Variants in ARMH3 observed in about 807,000 individuals in gnomAD.
ARMH3 encodes the protein armadillo-like helical domain-containing protein 3.
In ARMH3, 60 loss-of-function variants were observed where a neutral mutation model predicts 99.1. The ratio of observed to expected loss-of-function variants is 0.61; its 90% confidence interval spans 0.49 to 0.75. ARMH3 has a LOEUF of 0.75. Ranked by LOEUF, ARMH3 falls within the 30% of genes least tolerant of loss-of-function variation. ARMH3 has a pLI of 0.00. For synonymous variants in ARMH3, 285 were observed against 292.8 expected, an observed-to-expected ratio of 0.97 and a Z score of 0.27; for missense variants, 679 against 843.1, an observed-to-expected ratio of 0.81 and a Z score of 2.41.
chr10:101,866,250 C>T (rs998489982), intron 24 of ARMH3, among the ~76,000 whole-genome samples: 2 of 151,402 alleles, frequency 1.3e-5, no homozygotes, highest in African/African-American at 2.4e-5. Flanking sequence ...AGCTATCTTT[C>T]GCAGTTCTCA....
At chr10:102,014,661 A>G (rs987152740) in intron 8 of ARMH3, among the ~76,000 whole-genome samples, 2 of 152,180 alleles carry the variant, frequency 1.3e-5, no homozygotes, top group African/African-American at 4.8e-5. Flanking sequence ...TTACCCAAAC[A>G]ACAATCTGGT....
At chr10:101,975,131 C>CA (rs1223979647) in intron 20 of ARMH3, 81 bp downstream of exon 20, 2 of 724,604 alleles carry the variant, frequency 2.8e-6, no homozygotes, top group East Asian at 7.1e-5. Flanking sequence ...GGTTAAAAAA[C>CA]AAAAAATCCA....
intron 22 of ARMH3, among the ~76,000 whole-genome samples, chr10:101,942,601 C>T (rs1027168804): frequency 5.9e-5 from 9 of 152,158 alleles, no homozygotes; most frequent in African/African-American, 2.2e-4. Context: ...GTGGCTCATG[C>T]CTGTAATCCC....
chr10:101,996,690 AT>A (rs1227134270), intron 15 of ARMH3, among the ~76,000 whole-genome samples: 1 of 111,018 alleles, frequency 9.0e-6, no homozygotes, highest in Non-Finnish European at 2.1e-5. Flanking sequence ...TAAAGTGTTT[AT>A]GAATACAAAA....
chr10:102,047,705 C>T (rs576737039), intron 1 of ARMH3, among the ~76,000 whole-genome samples: 1 of 152,154 alleles, frequency 6.6e-6, no homozygotes, highest in East Asian at 1.9e-4. Flanking sequence ...CCAGGCTGGT[C>T]TCAAAACTCC....
At chr10:102,016,569 C>T (rs1285059907) in intron 8 of ARMH3, among the ~76,000 whole-genome samples, 3 of 152,138 alleles carry the variant, frequency 2.0e-5, no homozygotes, top group African/African-American at 7.2e-5. Flanking sequence ...ACATAACAAA[C>T]AATGTGTTAA....
At chr10:101,975,056 A>AAT (rs1221548659) in intron 20 of ARMH3, among the ~76,000 whole-genome samples, 156 bp downstream of exon 20, 1 of 149,402 alleles carries the variant, frequency 6.7e-6, no homozygotes, top group Non-Finnish European at 1.5e-5. Context: ...ACGTAAAAAA[A>AAT]AAAAAAAAAA....
At chr10:101,907,651 C>T (rs139777535) in intron 23 of ARMH3, among the ~76,000 whole-genome samples, 2,112 of 151,996 alleles carry the variant, frequency 0.014, 34 homozygotes, top group South Asian at 0.027. Flanking sequence ...CCCAAAGTGC[C>T]GGGATTACAG....
chr10:101,849,828 T>TGGTC lies in ARMH3; in HGVS notation c.1921_1924dup (p.Gln642ArgfsTer4). On this transcript the variant is annotated frameshift_variant, in exon 25 of 26. Coordinates refer to ENST00000370033, the MANE Select transcript of ARMH3 (RefSeq NM_024541.3). LOFTEE classifies it high-confidence loss of function. ...GTGCTGCTCTGAGTAGCGCTCATAC[T>TGGTC]GGTCCAGGCCATCCTGCAGCTTCAG... is the stretch of plus-strand genomic sequence containing the variant. 6.2e-7 allele frequency: 1 copy of TGGTC among 1,614,212 alleles called. No individual in the cohort carries two copies. Among genetic ancestry groups the TGGTC allele is most frequent in the South Asian group, 1.1e-5 (1 of 91,090 alleles).
At chr10:101,914,781 G>A (rs1200292167) in intron 23 of ARMH3, among the ~76,000 whole-genome samples, 10 of 143,590 alleles carry the variant, frequency 7.0e-5, no homozygotes, top group African/African-American at 2.3e-4. Context: ...CAGGAGAATC[G>A]CTTGAACCTG....
intron 23 of ARMH3, among the ~76,000 whole-genome samples, chr10:101,933,597 T>C (rs551286100): frequency 6.6e-6 from 1 of 152,324 alleles, no homozygotes; most frequent in East Asian, 1.9e-4. Context: ...ATGCTCCCAG[T>C]CATTGGGTAA....
intron 13 of ARMH3, among the ~76,000 whole-genome samples, chr10:102,007,969 G>T (rs564926518): frequency 6.6e-6 from 1 of 151,876 alleles, no homozygotes; most frequent in Non-Finnish European, 1.5e-5. Flanking sequence ...CAAAACAGAT[G>T]ACTCTTCTGT....
chr10:101,987,892 C>T (rs924251975), intron 19 of ARMH3, among the ~76,000 whole-genome samples: 1 of 152,164 alleles, frequency 6.6e-6, no homozygotes, highest in Non-Finnish European at 1.5e-5. Context: ...AAGTTTAAGC[C>T]TTAAGGTTTT....
intron 23 of ARMH3, among the ~76,000 whole-genome samples, chr10:101,893,991 A>G (rs560854874): frequency 1.3e-5 from 2 of 152,322 alleles, no homozygotes; most frequent in African/African-American, 4.8e-5. Context: ...CTGCCCTGTG[A>G]CAATCTCATC....
chr10:102,006,492 G>A (rs746432730), intron 14 of ARMH3, 48 bp downstream of exon 14: 1 of 1,561,490 alleles, frequency 6.4e-7, no homozygotes, highest in Non-Finnish European at 8.8e-7. Context: ...CACTCTGAGA[G>A]ATCTAAGATC....
At chr10:101,939,728 C>A in intron 23 of ARMH3, 135 bp downstream of exon 23, 2 of 612,322 alleles carry the variant, frequency 3.3e-6, no homozygotes, top group South Asian at 2.8e-5. Flanking sequence ...TGATCAAGTA[C>A]GACAATTTTT....
At chr10:101,956,482 C>T in intron 22 of ARMH3, 115 bp downstream of exon 22, 2 of 1,344,440 alleles carry the variant, frequency 1.5e-6, no homozygotes, top group South Asian at 2.9e-5. Flanking sequence ...TACTATATTT[C>T]TGTGCCACAC....
At chr10:101,909,835 T>C (rs1292805911) in intron 23 of ARMH3, among the ~76,000 whole-genome samples, 2 of 152,150 alleles carry the variant, frequency 1.3e-5, no homozygotes, top group Non-Finnish European at 1.5e-5. Flanking sequence ...TATCTATATA[T>C]ACCTATTATG....
intron 23 of ARMH3, among the ~76,000 whole-genome samples, chr10:101,919,753 T>C (rs900101939): frequency 6.6e-6 from 1 of 152,230 alleles, no homozygotes; most frequent in African/African-American, 2.4e-5. Flanking sequence ...CTGTTGCAGA[T>C]ATCCTATTTA....
Sources: gnomAD v4.1 joint callset for allele counts (sites outside exome capture counted in the v4.1 genomes callset) on GRCh38, gnomAD v4.1.1 for gene constraint, MANE v1.5 for transcripts, NCBI Gene and HGNC (gene_info 2026-07-23, HGNC 2026-07-21) for gene names.